The following ABHD3 variants were observed in gnomAD, a reference collection of about 807,000 sequenced individuals.
ABHD3 encodes abhydrolase domain containing 3, phospholipase.
Under a neutral mutation model 48.8 loss-of-function variants are expected in ABHD3, and 46 were observed. The observed-to-expected ratio is 0.94, with a 90% confidence interval of 0.74 to 1.20. ABHD3 has a LOEUF of 1.20. Ranked by LOEUF, ABHD3 falls within the 50% of genes most tolerant of loss-of-function variation. The probability of loss-of-function intolerance (pLI) is 0.00; values close to 1 mark genes in which losing one functional copy is unlikely to be tolerated. For missense variants in ABHD3, 490 were observed against 497.8 expected, an observed-to-expected ratio of 0.98 and a Z score of 0.15; for synonymous variants, 192 against 183.7, an observed-to-expected ratio of 1.04 and a Z score of -0.36.
intron 5 of ABHD3, among the ~76,000 whole-genome samples, chr18:21,661,538 G>A (rs2039497794): frequency 6.6e-6 from 1 of 151,958 alleles, no homozygotes; most frequent in African/African-American, 2.4e-5. Flanking sequence ...GGCTGAAGCA[G>A]GAGAATCACT....
chr18:21,687,937 A>G (rs1029757535), intron 3 of ABHD3, among the ~76,000 whole-genome samples: 1 of 152,246 alleles, frequency 6.6e-6, no homozygotes, highest in African/African-American at 2.4e-5. Context: ...CACATGCCCC[A>G]GGCATAACAA....
chr18:21,653,938 G>A (rs560216362), intron 8 of ABHD3, among the ~76,000 whole-genome samples: 5 of 151,134 alleles, frequency 3.3e-5, no homozygotes, highest in South Asian at 2.1e-4. Flanking sequence ...CTCTGTCTCC[G>A]GGGTTCAAGC....
At chr18:21,688,338 T>C (rs1342998685) in intron 3 of ABHD3, among the ~76,000 whole-genome samples, 3 of 151,628 alleles carry the variant, frequency 2.0e-5, no homozygotes, top group African/African-American at 7.3e-5. Flanking sequence ...AAGGGTAGAA[T>C]GAGAGGAACA....
Position 21,657,008 on chromosome 18 carries a change from ACTCT to A in ABHD3, c.906_909del (p.Arg302SerfsTer29). The stretch of plus-strand genomic sequence containing the variant: ...ATGACTGAAGTGAATCGCTTATCAA[ACTCT>A]CTGATGGATTTAGCCTGAAACACAA... On this transcript the variant is annotated frameshift_variant, in exon 8 of 9. Coordinates refer to ENST00000289119, the MANE Select transcript of ABHD3 (RefSeq NM_138340.5). LOFTEE classifies it high-confidence loss of function. The A allele has an allele frequency of 6.2e-7, 1 of 1,614,064 alleles. No individual in the cohort carries two copies. The highest frequency in any genetic ancestry group is 8.5e-7 in the Non-Finnish European group (1 of 1,180,002).
At chr18:21,667,615 T>C (rs1212834885) in intron 4 of ABHD3, among the ~76,000 whole-genome samples, 1 of 152,140 alleles carries the variant, frequency 6.6e-6, no homozygotes, top group Admixed American at 6.6e-5. Flanking sequence ...CTGGCATCTT[T>C]TGGAATCTGC....
chr18:21,695,530 G>A (rs753652914), intron 3 of ABHD3, among the ~76,000 whole-genome samples: 12 of 152,194 alleles, frequency 7.9e-5, no homozygotes, highest in South Asian at 2.1e-4. Context: ...CAACATGTTA[G>A]GTTGGTGCAA....
intron 3 of ABHD3, among the ~76,000 whole-genome samples, chr18:21,697,222 C>T (rs1320473942): frequency 1.3e-5 from 2 of 151,698 alleles, no homozygotes; most frequent in Admixed American, 6.6e-5. Context: ...ACTACAGGCA[C>T]GCACCACCAT....
At chr18:21,691,192 C>T (rs1381843159) in intron 3 of ABHD3, among the ~76,000 whole-genome samples, 1 of 152,022 alleles carries the variant, frequency 6.6e-6, no homozygotes, top group Admixed American at 6.6e-5. Flanking sequence ...TCAAGAAGAA[C>T]ATTTCATGAT....
intron 4 of ABHD3, among the ~76,000 whole-genome samples, chr18:21,674,640 C>T (rs2039835130): frequency 1.3e-5 from 2 of 152,154 alleles, no homozygotes; most frequent in Non-Finnish European, 2.9e-5. Context: ...TTCACACCTA[C>T]ACCTGGCTGA....
At chr18:21,679,360 T>C (rs2039956985) in intron 4 of ABHD3, among the ~76,000 whole-genome samples, 1 of 152,162 alleles carries the variant, frequency 6.6e-6, no homozygotes, top group Non-Finnish European at 1.5e-5. Flanking sequence ...GTAATAAGGA[T>C]GTAGAATAAC....
At chr18:21,673,865 C>G (rs2146304315) in intron 4 of ABHD3, among the ~76,000 whole-genome samples, 1 of 152,164 alleles carries the variant, frequency 6.6e-6, no homozygotes, top group Admixed American at 6.5e-5. Flanking sequence ...CTCGGCCTCT[C>G]AAGTGCTGGG....
chr18:21,676,930 A>G (rs534601540), intron 4 of ABHD3, among the ~76,000 whole-genome samples: 5 of 152,170 alleles, frequency 3.3e-5, no homozygotes, highest in Non-Finnish European at 7.4e-5. Context: ...TTTGCATACC[A>G]TAATTCATGT....
chr18:21,677,674 G>GTTATTTAT (rs139403965), intron 4 of ABHD3, among the ~76,000 whole-genome samples: 2 of 151,302 alleles, frequency 1.3e-5, no homozygotes, highest in East Asian at 1.9e-4. Flanking sequence ...TTTGTTTTTG[G>GTTATTTAT]TTATTTATTT....
intron 4 of ABHD3, among the ~76,000 whole-genome samples, chr18:21,682,742 C>T (rs570810247): frequency 2.0e-5 from 3 of 152,314 alleles, no homozygotes; most frequent in Non-Finnish European, 2.9e-5. Context: ...TGTCTTCCCC[C>T]CCGGCTTTGT....
chr18:21,696,371 A>G (rs7230904), intron 3 of ABHD3, among the ~76,000 whole-genome samples: 43,083 of 151,546 alleles, frequency 0.28, 7,565 homozygotes, highest in African/African-American at 0.5. Context: ...GGATGGTCTC[A>G]CTCTCCTAAC....
chr18:21,698,939 C>CTT (rs59134939), intron 3 of ABHD3, among the ~76,000 whole-genome samples: 39 of 147,734 alleles, frequency 2.6e-4, no homozygotes, highest in Admixed American at 1.2e-3. Flanking sequence ...GTACTTTACA[C>CTT]TTTTTTTTTT....
intron 4 of ABHD3, among the ~76,000 whole-genome samples, chr18:21,679,540 T>C (rs2146312462): frequency 6.6e-6 from 1 of 152,346 alleles, no homozygotes; most frequent in South Asian, 2.1e-4. Context: ...TTTAATTAAA[T>C]TTTTTTGAGA....
chr18:21,694,502 G>T (rs1016410925), intron 3 of ABHD3, among the ~76,000 whole-genome samples: 4 of 152,162 alleles, frequency 2.6e-5, no homozygotes, highest in Non-Finnish European at 5.9e-5. Context: ...ACCAGTAGGT[G>T]GGCTCTGCAA....
At position 21,651,472 on chromosome 18, in the gene ABHD3, G is replaced by C. The variant is rs2146272569; in HGVS notation, c.*119C>G. ...AAAAGTAGTTTTTGCATATCATTCT[G>C]GACCTCTTCACCCATCTGCTGGCTT... is the stretch of plus-strand genomic sequence containing the variant. On this transcript the variant is annotated 3_prime_UTR_variant, in exon 9 of 9. Coordinates refer to ENST00000289119, the MANE Select transcript of ABHD3 (RefSeq NM_138340.5). 1 of 1,162,530 alleles carries C rather than the reference G, an allele frequency of 8.6e-7. No homozygotes were observed. The highest frequency in any genetic ancestry group is 2.5e-5 in the East Asian group (1 of 39,570). The allele number at this position is 1,162,530 out of a possible 1,614,324, so 72.0% of individuals were successfully genotyped here. A position where few individuals can be genotyped will look rare whatever the true frequency, so the allele number is the denominator to read the frequency against.
Sources: gnomAD v4.1 joint callset for allele counts (sites outside exome capture counted in the v4.1 genomes callset) on GRCh38, gnomAD v4.1.1 for gene constraint, MANE v1.5 for transcripts, NCBI Gene and HGNC (gene_info 2026-07-23, HGNC 2026-07-21) for gene names.